TUB: variants seen among roughly 807,000 people sequenced by gnomAD.
TUB encodes tubby protein homolog.
A neutral mutation model predicts 59.7 loss-of-function variants in TUB; 33 were observed. The ratio of observed to expected loss-of-function variants is 0.55; its 90% CI spans 0.42 to 0.74. The LOEUF (loss-of-function observed/expected upper bound fraction) is 0.74. Ranked by LOEUF, TUB falls within the 30% of genes least tolerant of loss-of-function variation. The probability of loss-of-function intolerance (pLI) is 0.00; values close to 1 mark genes in which losing one functional copy is unlikely to be tolerated. For synonymous variants in TUB, 293 were observed against 256.4 expected (o/e 1.14, Z -1.36); for missense variants, 659 against 672.0 (o/e 0.98, Z 0.21).
At chr11:8,073,111 G>A (rs1943388193) in intron 2 of TUB, among the ~76,000 whole-genome samples, 2 of 152,180 alleles carry the variant, frequency 1.3e-5, no homozygotes, top group South Asian at 4.1e-4. Flanking sequence ...CTCTATAGCT[G>A]CTGCCTCCAT....
intron 2 of TUB, among the ~76,000 whole-genome samples, chr11:8,047,438 C>T (rs964651745): frequency 1.3e-5 from 2 of 152,170 alleles, no homozygotes; most frequent in Admixed American, 6.5e-5. Flanking sequence ...TAGCTCAGTA[C>T]CCTCAGTGGA....
intron 3 of TUB, among the ~76,000 whole-genome samples, chr11:8,091,021 T>C (rs1423051473): frequency 6.6e-6 from 1 of 152,126 alleles, no homozygotes; most frequent in East Asian, 1.9e-4. Flanking sequence ...CTAAAAAGGT[T>C]GCAGGCATCT....
At chr11:8,019,658 G>T (rs1589915494) in intron 1 of TUB, among the ~76,000 whole-genome samples, 1 of 152,082 alleles carries the variant, frequency 6.6e-6, no homozygotes, top group Admixed American at 6.5e-5. Context: ...TCGCTCCGCC[G>T]GGGGACCCCG....
chr11:8,025,366 A>G (rs559546331), intron 1 of TUB, among the ~76,000 whole-genome samples: 3 of 152,270 alleles, frequency 2.0e-5, no homozygotes, highest in African/African-American at 7.2e-5. Flanking sequence ...AATGGGAAGA[A>G]TGTTCCATGG....
chr11:8,085,040 C>T (rs1943639180), intron 1 of TUB, among the ~76,000 whole-genome samples: 2 of 152,140 alleles, frequency 1.3e-5, no homozygotes, highest in Non-Finnish European at 2.9e-5. Context: ...ATCCTCCCAC[C>T]ACTTCCTTTG....
upstream of TUB, among the ~76,000 whole-genome samples, chr11:8,080,045 C>A (rs1564913007): frequency 6.6e-6 from 1 of 152,172 alleles, no homozygotes; most frequent in South Asian, 2.1e-4. Flanking sequence ...GGCTGAAGGG[C>A]TGGGAGAGCC....
chr11:8,052,797 A>T (rs901487084), intron 2 of TUB, among the ~76,000 whole-genome samples: 2 of 152,060 alleles, frequency 1.3e-5, no homozygotes, highest in Non-Finnish European at 2.9e-5. Flanking sequence ...TTATATTTTT[A>T]AATTGGATGT....
intron 2 of TUB, among the ~76,000 whole-genome samples, chr11:8,069,927 A>G (rs1320766741): frequency 6.6e-6 from 1 of 152,194 alleles, no homozygotes; most frequent in Non-Finnish European, 1.5e-5. Flanking sequence ...CCAAACTCTC[A>G]CTGCTGCCCA....
intron 9 of TUB, 40 bp downstream of exon 9, chr11:8,098,915 A>C: frequency 6.9e-7 from 1 of 1,457,530 alleles, no homozygotes; most frequent in Non-Finnish European, 9.6e-7. Context: ...TCCAAGGTAG[A>C]TATGAAATCC....
intron 1 of TUB, among the ~76,000 whole-genome samples, chr11:8,025,412 G>A (rs1942487185): frequency 6.6e-6 from 1 of 152,180 alleles, no homozygotes; most frequent in Admixed American, 6.5e-5. Flanking sequence ...TGAGGTAGGA[G>A]TGTGCCTAGT....
At chr11:8,029,388 CTTTT>C (rs71059146) in intron 1 of TUB, among the ~76,000 whole-genome samples, 100 of 123,534 alleles carry the variant, frequency 8.1e-4, no homozygotes, top group Admixed American at 1.1e-3. Flanking sequence ...TTCTTTCTTT[CTTTT>C]TTTTTTTTTT....
rs747132592 is a variant in TUB, at chr11:8,101,000, G to A, written c.1387+3G>A. 9.3e-6 allele frequency: 15 copies of A among 1,613,964 alleles called. No individual in the cohort carries two copies. The highest frequency in any genetic ancestry group is 1.3e-5 in the African/African-American group (1 of 74,922). ...CCAGATCATCCATGGCAATGACCGT[G>A]AGTGTTTCTGTCCCTACTCATTATG... On this transcript the variant is annotated splice_donor_region_variant and intron_variant, in intron 11 of 11. Transcript: ENST00000299506.
At chr11:8,063,905 T>C (rs994946389) in intron 2 of TUB, among the ~76,000 whole-genome samples, 3 of 152,206 alleles carry the variant, frequency 2.0e-5, no homozygotes, top group African/African-American at 7.2e-5. Flanking sequence ...TTTTTCTCAT[T>C]TTGCGATTTT....
chr11:8,079,477 C>T (rs1943503858), upstream of TUB, among the ~76,000 whole-genome samples: 1 of 152,174 alleles, frequency 6.6e-6, no homozygotes, highest in Non-Finnish European at 1.5e-5. Flanking sequence ...CTGCCTTCTG[C>T]ACCCCACTCC....
chr11:8,037,820 T>G (rs1942673211), upstream of TUB, among the ~76,000 whole-genome samples: 1 of 152,128 alleles, frequency 6.6e-6, no homozygotes, highest in East Asian at 1.9e-4. Context: ...AGGGTTTAAG[T>G]AGGCTGGGAG....
At position 8,081,524 on chromosome 11, in the gene TUB, C is replaced by G. The variant is rs748080754; in HGVS notation, c.14C>G (p.Pro5Arg). Residue 5 changes from proline (P) to arginine (R), a missense_variant, in exon 1 of 12, where the codon CCG becomes CGG. Around this residue, in one of 3 missense-constraint regions of TUB, gnomAD observed 321 missense variants for 304.3 expected, o/e 1.05. Transcript: ENST00000299506. MTSK[P>R]HSDWIPYSVL... is the part of the protein sequence containing the mutation. ...CCCCCGAGAGACATGACTTCCAAGC[C>G]GCATTCCGACTGGATTCCCTACAGG... 3 of 1,553,346 alleles carry G rather than the reference C, an allele frequency of 1.9e-6. No homozygotes were observed. Among genetic ancestry groups the G allele is most frequent in the Non-Finnish European group, 2.6e-6 (3 of 1,155,792 alleles).
intron 2 of TUB, among the ~76,000 whole-genome samples, chr11:8,072,690 G>A (rs941397073): frequency 6.6e-6 from 1 of 152,184 alleles, no homozygotes; most frequent in Non-Finnish European, 1.5e-5. Flanking sequence ...AGTAGGCAAG[G>A]AATACGTTGT....
At chr11:8,096,552 G>A in intron 5 of TUB, 133 bp from the exon 6 acceptor site, 1 of 712,968 alleles carries the variant, frequency 1.4e-6, no homozygotes, top group Non-Finnish European at 2.6e-6. Context: ...TGTAGATATG[G>A]CTAAGAGTGT....
upstream of TUB, chr11:8,035,881 T>C (rs1942638554): frequency 6.6e-6 from 1 of 152,246 alleles, no homozygotes. Context: ...GATCTGTTTG[T>C]GACAGGGAGG....
Sources: allele counts gnomAD v4.1 joint callset (sites outside exome capture counted in the v4.1 genomes callset), GRCh38; gene constraint gnomAD v4.1.1; regional missense constraint gnomAD v4.1.1; transcripts MANE v1.5; gene names NCBI Gene and HGNC (gene_info 2026-07-23, HGNC 2026-07-21).